Variants in NAP1L1 observed in about 807,000 individuals in gnomAD.
NAP1L1 encodes the protein nucleosome assembly protein 1 like 1.
Under a neutral mutation model 58.9 loss-of-function variants are expected in NAP1L1, and 9 were observed. The observed-to-expected ratio is 0.15, with a 90% confidence interval of 0.09 to 0.27. The LOEUF (loss-of-function observed/expected upper bound fraction) is 0.27. Ranked by LOEUF, NAP1L1 falls within the 10% of genes least tolerant of loss-of-function variation. The probability of loss-of-function intolerance (pLI) is 1.00; values close to 1 mark genes in which losing one functional copy is unlikely to be tolerated. For missense variants in NAP1L1, 302 were observed against 458.8 expected (o/e 0.66, Z 3.12); for synonymous variants, 130 against 138.3 (o/e 0.94, Z 0.42).
intron 4 of NAP1L1, among the ~76,000 whole-genome samples, chr12:76,062,559 ACAAGAC>A (rs1241136341): frequency 6.6e-6 from 1 of 152,228 alleles, no homozygotes; most frequent in African/African-American, 2.4e-5. Context: ...TTGACATGCA[ACAAGAC>A]CAAGAAATCT....
Position 76,043,396 on chromosome 12 carries a change from G to T in NAP1L1, c.*5033C>A, listed in dbSNP as rs538120597. The T allele has an allele frequency of 6.7e-6, 1 of 149,846 alleles. No individual in the cohort carries two copies. Among genetic ancestry groups the T allele is most frequent in the Non-Finnish European group, 1.5e-5 (1 of 67,586 alleles). The allele number at this position is 149,846 out of a possible 1,614,324, so 9.3% of individuals were successfully genotyped here. A position where few individuals can be genotyped will look rare whatever the true frequency, so the allele number is the denominator to read the frequency against. On this transcript the variant is annotated 3_prime_UTR_variant, in exon 15 of 15. Transcript: ENST00000618691. ...AAAAATTAGCTGGGCGTGGTGGCACGTGCCTGTGATACCAGCTACTCGAGA... is the reference window on the plus strand; with the variant it reads ...AAAAATTAGCTGGGCGTGGTGGCACTTGCCTGTGATACCAGCTACTCGAGA...
intron 2 of NAP1L1, among the ~76,000 whole-genome samples, chr12:76,073,220 G>A (rs951090009): frequency 5.3e-5 from 8 of 151,948 alleles, no homozygotes; most frequent in African/African-American, 1.9e-4. Context: ...GTACTTCTAT[G>A]TGTTGATCTT....
In NAP1L1 at chr12:76,058,889, C is replaced by T. The variant is rs532474205; in HGVS notation, c.429+909G>A. 3.7e-4 allele frequency among the ~76,000 whole-genome samples: 56 copies of T among 152,244 alleles called. 1 individual carries two copies. The highest frequency in any genetic ancestry group is 2.7e-3 in the Admixed American group (41 of 15,298). On this transcript the variant is annotated intron_variant, in intron 6 of 14. Coordinates refer to ENST00000618691, the MANE Select transcript of NAP1L1 (RefSeq NM_004537.7). ...TCTAATATATCTGTGGTTGAATTTG[C>T]TTTGCTGTTATCAAGTCCACCCTAT...
intron 8 of NAP1L1, among the ~76,000 whole-genome samples, chr12:76,054,802 A>T (rs961410569): frequency 3.9e-5 from 6 of 152,166 alleles, no homozygotes; most frequent in Non-Finnish European, 7.3e-5. Flanking sequence ...ATTTTTATCC[A>T]CTTATCCAGG....
At position 76,039,721 on chromosome 12, in the gene NAP1L1, G is replaced by GT. The variant is rs1474296339; in HGVS notation, c.*8707dup. 6.6e-6 allele frequency: 1 copy of GT among 152,146 alleles called. No individual in the cohort carries two copies. Among genetic ancestry groups the GT allele is most frequent in the South Asian group, 2.1e-4 (1 of 4,828 alleles). The allele number at this position is 152,146 out of a possible 1,614,324, so 9.4% of individuals were successfully genotyped here. A position where few individuals can be genotyped will look rare whatever the true frequency, so the allele number is the denominator to read the frequency against. ...ATGCTGGCTCCAACACAACTCAACTGTGTCATTGTTAAAGTTACTTAACTT... is the reference window on the plus strand; with the variant it reads ...ATGCTGGCTCCAACACAACTCAACTGTTGTCATTGTTAAAGTTACTTAACTT... On this transcript the variant is annotated 3_prime_UTR_variant, in exon 15 of 15. Coordinates refer to ENST00000618691, the MANE Select transcript of NAP1L1 (RefSeq NM_004537.7).
At chr12:76,058,387 C>CT (rs34510500) in intron 6 of NAP1L1, among the ~76,000 whole-genome samples, 2,333 of 133,186 alleles carry the variant, frequency 0.018, 64 homozygotes, top group African/African-American at 0.058. Flanking sequence ...TTATTTGGTA[C>CT]TTTTTTTTTT....
intron 9 of NAP1L1, 98 bp downstream of exon 9, chr12:76,053,672 A>G: frequency 1.0e-5 from 14 of 1,374,960 alleles, no homozygotes; most frequent in Non-Finnish European, 1.4e-5. Context: ...GTTCAGAGAC[A>G]GACTATGTAC....
intron 6 of NAP1L1, chr12:76,057,249 C>A: frequency 3.7e-6 from 1 of 272,798 alleles, no homozygotes; most frequent in Non-Finnish European, 7.2e-6. Context: ...AAGATCATGC[C>A]AGTGTACTCC....
intron 2 of NAP1L1, among the ~76,000 whole-genome samples, chr12:76,073,523 T>C (rs1950054468): frequency 6.6e-6 from 1 of 152,192 alleles, no homozygotes; most frequent in Non-Finnish European, 1.5e-5. Flanking sequence ...CTCACAAAAC[T>C]TGAGGCCAGA....
In NAP1L1 at chr12:76,046,476, A is replaced by G. The variant is rs1235653690; in HGVS notation, c.*1953T>C. 6.6e-6 allele frequency: 1 copy of G among 152,310 alleles called. No individual in the cohort carries two copies. The highest frequency in any genetic ancestry group is 1.5e-5 in the Non-Finnish European group (1 of 67,864). 9.4% of individuals were successfully genotyped at this position (152,310 alleles called of 1,614,324 possible). A position where few individuals can be genotyped will look rare whatever the true frequency, so the allele number is the denominator to read the frequency against. On this transcript the variant is annotated 3_prime_UTR_variant, in exon 15 of 15. Transcript: ENST00000618691. ...GAAGTTCAGAAAAAGCTGCATTTCG[A>G]TGAACTATGGTTAAAAAAAAAAAGC...
chr12:76,047,687 T>C lies in NAP1L1; in HGVS notation c.*742A>G, dbSNP rs1251474176. The stretch of plus-strand genomic sequence containing the variant: ...AAATAGGCTTGTCAAATGATGTAAA[T>C]TCATCCTTTCCAGGGAAGCAGAAGG... On this transcript the variant is annotated 3_prime_UTR_variant, in exon 15 of 15. Coordinates refer to ENST00000618691, the MANE Select transcript of NAP1L1 (RefSeq NM_004537.7). 6.6e-6 allele frequency: 1 copy of C among 152,014 alleles called. No individual in the cohort carries two copies. The highest frequency in any genetic ancestry group is 1.5e-5 in the Non-Finnish European group (1 of 67,910). 9.4% of individuals were successfully genotyped at this position (152,014 alleles called of 1,614,324 possible).
intron 3 of NAP1L1, chr12:76,068,447 C>T (rs1949784411): frequency 6.6e-6 from 1 of 152,582 alleles, no homozygotes; most frequent in Non-Finnish European, 1.5e-5. Context: ...CCCACCACCA[C>T]TCCTTTTAAA....
intron 3 of NAP1L1, 43 bp from the exon 4 acceptor site, chr12:76,067,516 T>C (rs747680270): frequency 2.7e-6 from 4 of 1,477,682 alleles, no homozygotes; most frequent in Non-Finnish European, 3.7e-6. Context: ...TTTATGAAAA[T>C]GTATTATGCT....
rs1948647239 is a variant in NAP1L1, at chr12:76,047,722, C to T, written c.*707G>A. On this transcript the variant is annotated 3_prime_UTR_variant, in exon 15 of 15. Transcript: ENST00000618691. ...CCAGGGAAGCAGAAGGTAGACCCTA[C>T]CACAAAGAAAAGATGCTTAGTTAAT... The T allele has an allele frequency of 6.6e-6, 1 of 151,890 alleles. No individual in the cohort carries two copies. The highest frequency in any genetic ancestry group is 2.4e-5 in the African/African-American group (1 of 41,400). The allele number at this position is 151,890 out of a possible 1,614,324, so 9.4% of individuals were successfully genotyped here.
intron 2 of NAP1L1, among the ~76,000 whole-genome samples, chr12:76,070,279 C>T (rs1321670358): frequency 1.3e-5 from 2 of 152,140 alleles, no homozygotes; most frequent in Non-Finnish European, 2.9e-5. Flanking sequence ...TGCGCCACTG[C>T]ACCTGGCTAA....
At chr12:76,071,465 G>C (rs7294592) in intron 2 of NAP1L1, among the ~76,000 whole-genome samples, 55,589 of 152,012 alleles carry the variant, frequency 0.37, 10,954 homozygotes, top group Non-Finnish European at 0.43. Context: ...TATGATAAAG[G>C]GTTTTTTTGT....
chr12:76,053,923 G>A lies in NAP1L1; in HGVS notation c.631-14C>T. 6.3e-7 allele frequency: 1 copy of A among 1,591,490 alleles called. No homozygotes were observed. The highest frequency in any genetic ancestry group is 8.5e-7 in the Non-Finnish European group (1 of 1,173,654). On this transcript the variant is annotated splice_polypyrimidine_tract_variant and intron_variant, in intron 8 of 14. Transcript: ENST00000618691. ...TAAGACAAAACTCTGGGGAGAGGAAGCATAAAAATCAGTTAAATACCTACC... is the reference window on the plus strand; with the variant it reads ...TAAGACAAAACTCTGGGGAGAGGAAACATAAAAATCAGTTAAATACCTACC...
Position 76,046,683 on chromosome 12 carries a change from C to G in NAP1L1, c.*1746G>C, listed in dbSNP as rs1026466824. 17 of 152,420 alleles carry G rather than the reference C, an allele frequency of 1.1e-4. No homozygotes were observed. Among genetic ancestry groups the G allele is most frequent in the Non-Finnish European group, 1.5e-5 (1 of 67,916 alleles). 9.4% of individuals were successfully genotyped at this position (152,420 alleles called of 1,614,324 possible). On this transcript the variant is annotated 3_prime_UTR_variant, in exon 15 of 15. Coordinates refer to ENST00000618691, the MANE Select transcript of NAP1L1 (RefSeq NM_004537.7). Reference sequence around the variant, plus strand: ...CTTCTCAGAAAGGAAGTTTTCATTACCTCTAAAAATCAATTCAATGTAATT... The same window carrying G: ...CTTCTCAGAAAGGAAGTTTTCATTAGCTCTAAAAATCAATTCAATGTAATT...
intron 1 of NAP1L1, 23 bp from the exon 2 acceptor site, chr12:76,074,262 T>TA (rs531059085): frequency 3.4e-4 from 521 of 1,540,316 alleles, no homozygotes; most frequent in East Asian, 1.3e-3. Context: ...ACATCAATGT[T>TA]AAAAAAAAAG....
Sources: allele counts gnomAD v4.1 joint callset (sites outside exome capture counted in the v4.1 genomes callset), GRCh38; gene constraint gnomAD v4.1.1; transcripts MANE v1.5; gene names NCBI Gene and HGNC (gene_info 2026-07-23, HGNC 2026-07-21).